The following ADAMTSL1 variants were observed in gnomAD, a reference collection of about 807,000 sequenced individuals.
ADAMTSL1 encodes ADAMTS-like protein 1.
Under a neutral mutation model 201.8 loss-of-function variants are expected in ADAMTSL1, and 126 were observed. That is an observed-to-expected ratio of 0.62 (90% CI 0.54 to 0.72). ADAMTSL1 has a LOEUF of 0.72. ADAMTSL1 is among the 30% of genes least tolerant of loss of function. ADAMTSL1 has a pLI of 0.00. For missense variants in ADAMTSL1, 2,679 were observed against 2,277.8 expected, an observed-to-expected ratio of 1.18 and a Z score of -3.59; for synonymous variants, 1,121 against 903.4, an observed-to-expected ratio of 1.24 and a Z score of -4.32.
At chr9:18,083,693 C>G (rs1046144810) in intron 1 of ADAMTSL1, among the ~76,000 whole-genome samples, 7 of 152,152 alleles carry the variant, frequency 4.6e-5, no homozygotes, top group African/African-American at 1.7e-4. Context: ...TGTTTTCTGC[C>G]TGCTATTCAG....
intron 2 of ADAMTSL1, among the ~76,000 whole-genome samples, chr9:18,505,644 C>T (rs1823083354): frequency 6.6e-6 from 1 of 152,162 alleles, no homozygotes; most frequent in Non-Finnish European, 1.5e-5. Context: ...TGGTCTATGA[C>T]TAGATCTGTC....
At chr9:18,676,403 A>AT (rs927571131) in intron 10 of ADAMTSL1, among the ~76,000 whole-genome samples, 13 of 152,204 alleles carry the variant, frequency 8.5e-5, no homozygotes, top group African/African-American at 3.1e-4. Flanking sequence ...ATAAAAGGCA[A>AT]TTTTTTAATA....
intron 4 of ADAMTSL1, among the ~76,000 whole-genome samples, chr9:18,583,530 C>T (rs1823254686): frequency 6.6e-6 from 1 of 151,422 alleles, no homozygotes; most frequent in Non-Finnish European, 1.5e-5. Context: ...GGAGCCTCCA[C>T]ACAGAGTGCC....
intron 2 of ADAMTSL1, among the ~76,000 whole-genome samples, chr9:18,349,774 A>G (rs1381104909): frequency 6.6e-6 from 1 of 152,062 alleles, no homozygotes; most frequent in Non-Finnish European, 1.5e-5. Flanking sequence ...TAAACACAAG[A>G]CTGGACTGCA....
At chr9:18,226,794 T>A (rs1830446781) in intron 2 of ADAMTSL1, among the ~76,000 whole-genome samples, 1 of 152,072 alleles carries the variant, frequency 6.6e-6, no homozygotes, top group African/African-American at 2.4e-5. Context: ...TTCATTGAAA[T>A]GTTTTATTTT....
chr9:18,880,598 A>G (rs1484235808), intron 23 of ADAMTSL1, among the ~76,000 whole-genome samples: 1 of 152,238 alleles, frequency 6.6e-6, no homozygotes, highest in Non-Finnish European at 1.5e-5. Flanking sequence ...AAACCATGCT[A>G]TAAACAGATG....
intron 7 of ADAMTSL1, among the ~76,000 whole-genome samples, chr9:18,649,713 A>T (rs1828080223): frequency 6.6e-6 from 1 of 152,138 alleles, no homozygotes; most frequent in Non-Finnish European, 1.5e-5. Flanking sequence ...GATTTTCATG[A>T]ACCTCAAATG....
At chr9:18,417,816 G>A (rs577851885) in intron 2 of ADAMTSL1, among the ~76,000 whole-genome samples, 11 of 152,086 alleles carry the variant, frequency 7.2e-5, no homozygotes, top group African/African-American at 9.7e-5. Flanking sequence ...ATAACACCAC[G>A]TCTACCCAAT....
intron 2 of ADAMTSL1, among the ~76,000 whole-genome samples, chr9:18,250,708 C>T (rs934718635): frequency 4.6e-5 from 7 of 151,994 alleles, no homozygotes; most frequent in East Asian, 1.9e-4. Flanking sequence ...ATGCCTTGCT[C>T]GTGGAAGAGG....
intron 1 of ADAMTSL1, among the ~76,000 whole-genome samples, chr9:18,030,693 G>C (rs1408619590): frequency 2.0e-5 from 3 of 151,986 alleles, no homozygotes; most frequent in Non-Finnish European, 4.4e-5. Flanking sequence ...AAATTTACTA[G>C]AGAGAATTGA....
chr9:18,185,975 T>C (rs939512345), intron 2 of ADAMTSL1, among the ~76,000 whole-genome samples: 1 of 152,216 alleles, frequency 6.6e-6, no homozygotes, highest in Non-Finnish European at 1.5e-5. Flanking sequence ...AAAATAAGTA[T>C]TTATGGTCAA....
intron 1 of ADAMTSL1, among the ~76,000 whole-genome samples, chr9:18,098,859 C>T (rs1824366768): frequency 6.6e-6 from 1 of 152,276 alleles, no homozygotes; most frequent in Non-Finnish European, 1.5e-5. Flanking sequence ...CTCCAGCTCA[C>T]TGAACTACAA....
chr9:18,498,327 C>A (rs1399528618), intron 1 of ADAMTSL1, among the ~76,000 whole-genome samples: 3 of 150,678 alleles, frequency 2.0e-5, no homozygotes, highest in African/African-American at 4.9e-5. Flanking sequence ...TATCAATGTT[C>A]CCCCCACCCC....
chr9:18,864,198 C>G (rs1827371823), intron 23 of ADAMTSL1, among the ~76,000 whole-genome samples: 1 of 152,158 alleles, frequency 6.6e-6, no homozygotes, highest in Admixed American at 6.5e-5. Context: ...TCCCCGTGAA[C>G]TGGGTTCAGT....
intron 2 of ADAMTSL1, among the ~76,000 whole-genome samples, chr9:18,185,553 C>G (rs187956046): frequency 5.9e-5 from 9 of 152,178 alleles, no homozygotes; most frequent in Admixed American, 3.9e-4. Context: ...GCATGGAAAA[C>G]TAACACAATT....
In ADAMTSL1 at chr9:18,314,782, C is replaced by CTTTTTTTTTTTTTTTTTTTTT. The variant is rs776046209; in HGVS notation, c.207+150813_207+150833dup. Among the ~76,000 whole-genome samples the CTTTTTTTTTTTTTTTTTTTTT allele has an allele frequency of 4.0e-5, 2 of 49,852 alleles. 1 individual carries two copies. Among genetic ancestry groups the CTTTTTTTTTTTTTTTTTTTTT allele is most frequent in the Non-Finnish European group, 7.1e-5 (2 of 28,070 alleles). The allele number at this position is 49,852 out of a possible 152,430, so 32.7% of individuals were successfully genotyped here. ...TGCCACTGCTGCCTTCGGCAGCGTG[C>CTTTTTTTTTTTTTTTTTTTTT]TTTTTTTTTTTTTTTTTTTTTTTTT... On this transcript the variant is annotated intron_variant, in intron 2 of 29. Coordinates refer to the ADAMTSL1 transcript ENST00000680146.
At chr9:18,439,702 T>C (rs1464058337) in intron 2 of ADAMTSL1, among the ~76,000 whole-genome samples, 1 of 152,202 alleles carries the variant, frequency 6.6e-6, no homozygotes, top group Non-Finnish European at 1.5e-5. Flanking sequence ...CTTAAAATTG[T>C]ATTTTGTTCA....
chr9:18,127,481 A>AACACAC (rs112886805), intron 1 of ADAMTSL1, among the ~76,000 whole-genome samples: 15,954 of 146,008 alleles, frequency 0.11, 911 homozygotes, highest in African/African-American at 0.13. Flanking sequence ...GCACATACAC[A>AACACAC]ACACACACAC....
At chr9:18,541,746 A>G (rs1229817185) in intron 3 of ADAMTSL1, among the ~76,000 whole-genome samples, 4 of 152,228 alleles carry the variant, frequency 2.6e-5, no homozygotes, top group Non-Finnish European at 5.9e-5. Context: ...GTTCTAATAT[A>G]TGTACAAACA....
Sources: gnomAD v4.1 joint callset for allele counts (sites outside exome capture counted in the v4.1 genomes callset) on GRCh38, gnomAD v4.1.1 for gene constraint, MANE v1.5 for transcripts, NCBI Gene and HGNC (gene_info 2026-07-23, HGNC 2026-07-21) for gene names.